The following PTGR3 variants were observed in gnomAD, a reference collection of about 807,000 sequenced individuals.
PTGR3 encodes prostaglandin reductase 3, also known as zinc binding alcohol dehydrogenase domain containing 2.
chr18:75,206,139 G>A, the PTGR3 span, among the ~76,000 whole-genome samples: 22 of 152,292 alleles, frequency 1.4e-4, no homozygotes, highest in African/African-American at 5.3e-4. Flanking sequence ...AAACAGTAAG[G>A]TAAGAACTGG....
chr18:75,205,409 G>A, the PTGR3 span: 1 of 985,316 alleles, frequency 1.0e-6, no homozygotes, highest in East Asian at 1.1e-4. Flanking sequence ...TGTGCATGCA[G>A]TGAGCGCAGG....
chr18:75,204,105 T>A, the PTGR3 span, among the ~76,000 whole-genome samples: 2 of 152,234 alleles, frequency 1.3e-5, no homozygotes, highest in African/African-American at 2.4e-5. Context: ...GTCCCCCTGG[T>A]GTCTCCACAG....
the PTGR3 span, among the ~76,000 whole-genome samples, chr18:75,202,940 T>C: frequency 6.6e-6 from 1 of 152,230 alleles, no homozygotes; most frequent in East Asian, 1.9e-4. Context: ...CAGGGGTTGT[T>C]TGAAGCACTG....
chr18:75,205,697 T>A, the PTGR3 span, among the ~76,000 whole-genome samples: 1 of 141,622 alleles, frequency 7.1e-6, no homozygotes, highest in African/African-American at 2.6e-5. Context: ...AACAAAGTCG[T>A]CCAAACCAGA....
the PTGR3 span, chr18:75,205,219 C>T: frequency 1.0e-6 from 1 of 985,594 alleles, no homozygotes; most frequent in Non-Finnish European, 1.2e-6. Context: ...GCAGCTCGCG[C>T]CTTCCGCTCC....
At chr18:75,203,981 C>T in the PTGR3 span, among the ~76,000 whole-genome samples, 3 of 152,190 alleles carry the variant, frequency 2.0e-5, no homozygotes, top group South Asian at 2.1e-4. Flanking sequence ...GTGGAAGTGA[C>T]GGTAGGGTTT....
At chr18:75,205,036 C>T in the PTGR3 span, among the ~76,000 whole-genome samples, 2 of 152,262 alleles carry the variant, frequency 1.3e-5, no homozygotes, top group Admixed American at 1.3e-4. Context: ...CAGGAGCCCG[C>T]GGCGGCTCGG....
At chr18:75,200,435 A>G in the PTGR3 span, 7 of 152,320 alleles carry the variant, frequency 4.6e-5, no homozygotes, top group African/African-American at 7.2e-5. Context: ...TTCTAGTTCG[A>G]ACGCCTCTAA....
chr18:75,195,993 C>T, the PTGR3 span: 1 of 152,184 alleles, frequency 6.6e-6, no homozygotes, highest in Non-Finnish European at 1.5e-5. Context: ...CTGTAAGTTT[C>T]TGCTGGCAAC....
chr18:75,205,817 G>T, the PTGR3 span, among the ~76,000 whole-genome samples: 7 of 151,616 alleles, frequency 4.6e-5, no homozygotes, highest in African/African-American at 1.7e-4. Context: ...GGGGGAGGGG[G>T]TGGGAATCTC....
chr18:75,205,139 GC>G, the PTGR3 span: 2 of 984,956 alleles, frequency 2.0e-6, no homozygotes, highest in Non-Finnish European at 1.2e-6. Flanking sequence ...ACGCGGCTTC[GC>G]CCCCGCGGCT....
chr18:75,199,389 A>G, the PTGR3 span: 1 of 152,520 alleles, frequency 6.6e-6, no homozygotes, highest in East Asian at 1.9e-4. Flanking sequence ...TACTGCTTAG[A>G]TTTCACACAT....
chr18:75,201,812 T>C, the PTGR3 span: 9 of 1,613,964 alleles, frequency 5.6e-6, no homozygotes, highest in Admixed American at 1.5e-4. Context: ...CCCCAACAGA[T>C]TCATAGACCA....
the PTGR3 span, chr18:75,199,111 G>A: frequency 3.9e-5 from 6 of 152,676 alleles, no homozygotes; most frequent in South Asian, 1.2e-3. Context: ...TTTGGGGAAA[G>A]AGAGAACATG....
At chr18:75,205,248 C>G in the PTGR3 span, 9 of 985,514 alleles carry the variant, frequency 9.1e-6, no homozygotes, top group South Asian at 4.2e-4. Flanking sequence ...CAAGTTCAAG[C>G]GCAGCAGGCG....
the PTGR3 span, chr18:75,208,554 CGGGAGGGGGAGGA>C: frequency 9.7e-6 from 7 of 722,212 alleles, no homozygotes; most frequent in Non-Finnish European, 1.2e-5. Context: ...ATTTCGGGAG[CGGGAGGGGGAGGA>C]GGGAGGGCTG....
the PTGR3 span, among the ~76,000 whole-genome samples, chr18:75,203,770 T>C: frequency 6.6e-6 from 1 of 152,142 alleles, no homozygotes; most frequent in African/African-American, 2.4e-5. Flanking sequence ...CTACATTCTA[T>C]TTTTAGAGAA....
At chr18:75,205,472 C>A in the PTGR3 span, 2 of 985,372 alleles carry the variant, frequency 2.0e-6, no homozygotes, top group Non-Finnish European at 2.4e-6. Flanking sequence ...TCCAGAAACC[C>A]CAGGAAAAAA....
chr18:75,195,379 C>T, the PTGR3 span: 2 of 152,186 alleles, frequency 1.3e-5, no homozygotes, highest in African/African-American at 4.8e-5. Flanking sequence ...AGGCCAATTG[C>T]TGTTCTTCAA....
Sources: gnomAD v4.1 joint callset for allele counts (sites outside exome capture counted in the v4.1 genomes callset) on GRCh38, gnomAD v4.1.1 for gene constraint, MANE v1.5 for transcripts, NCBI Gene and HGNC (gene_info 2026-07-23, HGNC 2026-07-21) for gene names.